The following NBPF11 variants were observed in gnomAD, a reference collection of about 807,000 sequenced individuals.
The protein encoded by NBPF11 is NBPF member 11, also known as NBPF family member NBPF11.
A neutral mutation model predicts 93.9 loss-of-function variants in NBPF11; 72 were observed. The observed-to-expected ratio is 0.77, with a 90% CI of 0.63 to 0.93. The LOEUF (loss-of-function observed/expected upper bound fraction) is 0.93. Ranked by LOEUF, NBPF11 falls within the 40% of genes least tolerant of loss-of-function variation. The pLI, the probability that NBPF11 is intolerant of heterozygous loss-of-function variation, is 0.00. For synonymous variants in NBPF11, 224 were observed against 304.9 expected, an observed-to-expected ratio of 0.73 and a Z score of 2.76; for missense variants, 705 against 802.2, an observed-to-expected ratio of 0.88 and a Z score of 1.46.
chr1:148,120,586 C>T lies in NBPF11; in HGVS notation c.903G>A (p.Glu301=), dbSNP rs1435167043. 1.6e-5 allele frequency: 23 copies of T among 1,455,056 alleles called. No individual in the cohort carries two copies. The highest frequency in any genetic ancestry group is 1.9e-5 in the Non-Finnish European group (20 of 1,036,394). The allele number at this position is 1,455,056 out of a possible 1,614,324, so 90.1% of individuals were successfully genotyped here. Reference sequence around the variant, plus strand: ...TGAGGCTTCTGAACTGCTGTTTCTTCTCTGCCAGCTGGGGGCACAATTTCT... The same window carrying T: ...TGAGGCTTCTGAACTGCTGTTTCTTTTCTGCCAGCTGGGGGCACAATTTCT... ...INEKLCPQLA[E]KKQQFRSLKE... Residue 301 remains glutamate, a synonymous_variant, in exon 10 of 24, where the codon GAG becomes GAA. Coordinates refer to ENST00000682118, the MANE Select transcript of NBPF11 (RefSeq NM_001385469.3).
chr1:148,146,896 G>T, intron 1 of NBPF11: 1 of 1,612,768 alleles, frequency 6.2e-7, no homozygotes, highest in South Asian at 1.1e-5. Flanking sequence ...CGACATCGAC[G>T]CCACCTGGCA....
chr1:148,108,161 G>C (rs1435894614), intron 18 of NBPF11, among the ~76,000 whole-genome samples: 11 of 149,644 alleles, frequency 7.4e-5, no homozygotes, highest in African/African-American at 2.7e-4. Flanking sequence ...GTAGAGTGAA[G>C]GATGAAATCT....
intron 1 of NBPF11, chr1:148,146,539 G>A (rs1673114980): frequency 6.2e-6 from 10 of 1,603,434 alleles, no homozygotes; most frequent in South Asian, 3.3e-5. Context: ...TGGTGGGGCC[G>A]GGGCCGCCCC....
At chr1:148,119,632 C>G (rs1476447623) in intron 10 of NBPF11, among the ~76,000 whole-genome samples, 1 of 151,894 alleles carries the variant, frequency 6.6e-6, no homozygotes. Context: ...CCAAGCTACT[C>G]TCTGCTTTTT....
chr1:148,103,620 T>C lies in NBPF11; in HGVS notation c.*276A>G, dbSNP rs1216731746. 1.2e-6 allele frequency: 2 copies of C among 1,610,466 alleles called. No homozygotes were observed. The highest frequency in any genetic ancestry group is 4.5e-5 in the East Asian group (2 of 44,880). ...AGTTTCATTCAAATCTTCAGGTGCC[T>C]ATAGGTCCTGCCTGCAGGAATGACA... On this transcript the variant is annotated 3_prime_UTR_variant, in exon 24 of 24. Coordinates refer to ENST00000682118, the MANE Select transcript of NBPF11 (RefSeq NM_001385469.3).
At chr1:148,109,586 G>T (rs1664758201) in intron 16 of NBPF11, among the ~76,000 whole-genome samples, 1 of 146,730 alleles carries the variant, frequency 6.8e-6, no homozygotes, top group African/African-American at 2.6e-5. Context: ...CTAGGTTTAT[G>T]TACACAAATG....
chr1:148,137,831 AGT>A (rs1231042575), intron 2 of NBPF11, 22 bp from the exon 3 acceptor site: 2 of 142,512 alleles, frequency 1.4e-5, no homozygotes, highest in Non-Finnish European at 3.1e-5. Context: ...AAAATGGTTC[AGT>A]GAAGGGATGG....
At chr1:148,143,062 G>A (rs1412123657) in intron 2 of NBPF11, among the ~76,000 whole-genome samples, 31 of 150,050 alleles carry the variant, frequency 2.1e-4, no homozygotes, top group Middle Eastern at 3.4e-3. Flanking sequence ...GAAAGCAGGT[G>A]AAAGAGGACA....
At chr1:148,116,116 G>A in intron 13 of NBPF11, 118 bp from the exon 14 acceptor site, 4 of 960,148 alleles carry the variant, frequency 4.2e-6, no homozygotes, top group Non-Finnish European at 4.8e-6. Flanking sequence ...AAAGCAAAAT[G>A]GACGTTCCCA....
rs1260246176 is a variant in NBPF11 at position 148,104,140 on chromosome 1, C to T, written c.2582-228G>A. 7.6e-3 allele frequency among the ~76,000 whole-genome samples: 982 copies of T among 129,656 alleles called. 17 individuals are homozygous for T. Among genetic ancestry groups the T allele is most frequent in the Middle Eastern group, 0.029 (8 of 276 alleles). 85.1% of individuals were successfully genotyped at this position (129,656 alleles called of 152,430 possible). A position where few individuals can be genotyped will look rare whatever the true frequency, so the allele number is the denominator to read the frequency against. ...ACAGAGACAGAGACAGAGACAGAGACAGAGACAGAGAGAAAGTGAGCTAGT... is the reference window on the plus strand; with the variant it reads ...ACAGAGACAGAGACAGAGACAGAGATAGAGACAGAGAGAAAGTGAGCTAGT... On this transcript the variant is annotated intron_variant, in intron 23 of 23. Transcript: ENST00000682118.
At chr1:148,121,603 C>T (rs1348493853) in intron 9 of NBPF11, among the ~76,000 whole-genome samples, 1 of 151,732 alleles carries the variant, frequency 6.6e-6, no homozygotes, top group African/African-American at 2.4e-5. Flanking sequence ...GATCCACCCG[C>T]CTCGGCCTCC....
At chr1:148,118,498 C>G (rs1268854053) in intron 11 of NBPF11, 122 bp downstream of exon 11, 1 of 808,256 alleles carries the variant, frequency 1.2e-6, no homozygotes, top group African/African-American at 1.7e-5. Context: ...TGTAGCAAAC[C>G]TGCCATGGCA....
intron 1 of NBPF11, among the ~76,000 whole-genome samples, chr1:148,144,057 T>C (rs1672605097): frequency 6.6e-6 from 1 of 150,698 alleles, no homozygotes; most frequent in African/African-American, 2.5e-5. Context: ...GAGTTCTGAC[T>C]AAATATTTGA....
At chr1:148,124,622 G>A (rs57029663) in intron 6 of NBPF11, among the ~76,000 whole-genome samples, 1 of 151,710 alleles carries the variant, frequency 6.6e-6, no homozygotes, top group African/African-American at 2.4e-5. Context: ...GAATGCTGCT[G>A]GGTGGTTCCC....
chr1:148,146,389 C>A (rs1341105829), intron 1 of NBPF11: 18 of 1,587,446 alleles, frequency 1.1e-5, no homozygotes, highest in Admixed American at 1.7e-5. Context: ...CCGGGCGGCG[C>A]CCGCCATGAA....
chr1:148,125,637 T>G (rs782722928), intron 5 of NBPF11, among the ~76,000 whole-genome samples: 3 of 152,066 alleles, frequency 2.0e-5, no homozygotes, highest in African/African-American at 7.3e-5. Context: ...AAGATTAGTT[T>G]GTGTTAATTT....
At chr1:148,125,853 C>T (rs1196183241) in intron 5 of NBPF11, among the ~76,000 whole-genome samples, 1 of 151,836 alleles carries the variant, frequency 6.6e-6, no homozygotes, top group Non-Finnish European at 1.5e-5. Context: ...GCTGAGGGTC[C>T]CTGCTTTGCA....
chr1:148,140,881 T>C (rs1571491029), intron 2 of NBPF11, among the ~76,000 whole-genome samples: 4 of 151,688 alleles, frequency 2.6e-5, no homozygotes, highest in Admixed American at 2.6e-4. Flanking sequence ...TTTATCATAA[T>C]TGTCAAAACT....
chr1:148,122,265 C>A lies in NBPF11; in HGVS notation c.568G>T (p.Glu190Ter). The A allele has an allele frequency of 5.6e-6, 9 of 1,609,488 alleles. No individual in the cohort carries two copies. Among genetic ancestry groups the A allele is most frequent in the South Asian group, 1.1e-5 (1 of 90,942 alleles). ...TTGCTCTCTTCAGCCTTCTGCACCTCCCTGATGAGCCAGGTGGGACAGAGA... is the reference window on the plus strand; with the variant it reads ...TTGCTCTCTTCAGCCTTCTGCACCTACCTGATGAGCCAGGTGGGACAGAGA... The part of the protein sequence containing the change: ...EKVLESSAPR[E>*]VQKAEESKVP... Residue 190 changes from glutamate to a stop codon, truncating the protein, a stop_gained and splice_region_variant, in exon 9 of 24, where the codon GAG becomes TAG. Transcript: ENST00000682118. LOFTEE classifies it high-confidence loss of function.
Sources: gnomAD v4.1 joint callset for allele counts (sites outside exome capture counted in the v4.1 genomes callset) on GRCh38, gnomAD v4.1.1 for gene constraint, MANE v1.5 for transcripts, NCBI Gene and HGNC (gene_info 2026-07-23, HGNC 2026-07-21) for gene names.